USP32: variants seen among roughly 807,000 people sequenced by gnomAD.
USP32 encodes ubiquitin specific peptidase 32.
Under a neutral mutation model 204.8 loss-of-function variants are expected in USP32, and 59 were observed. That is an observed-to-expected ratio of 0.29 (90% CI 0.23 to 0.36). USP32 has a LOEUF of 0.36. Among genes scored for constraint, USP32 ranks in the 10% least tolerant of loss-of-function variants. USP32 has a pLI of 1.00. For missense variants in USP32, 1,160 were observed against 1,946.4 expected (o/e 0.60, Z 7.60); for synonymous variants, 517 against 678.4 (o/e 0.76, Z 3.70).
At chr17:60,181,175 G>T in intron 32 of USP32, 149 bp downstream of exon 32, 2 of 1,071,976 alleles carry the variant, frequency 1.9e-6, no homozygotes, top group Non-Finnish European at 1.3e-6. Flanking sequence ...CACCTGGGCA[G>T]GCCAAGATTT....
At chr17:60,293,397 T>C (rs1053839616) in intron 4 of USP32, among the ~76,000 whole-genome samples, 1 of 152,230 alleles carries the variant, frequency 6.6e-6, no homozygotes, top group African/African-American at 2.4e-5. Flanking sequence ...TATCTTTTTT[T>C]CTTACAAGCA....
At chr17:60,273,853 C>T (rs536802534) in intron 5 of USP32, among the ~76,000 whole-genome samples, 5 of 150,440 alleles carry the variant, frequency 3.3e-5, no homozygotes, top group South Asian at 4.2e-4. Context: ...CCAGCTACTC[C>T]GGAGGCTGAG....
chr17:60,330,618 T>C (rs1010137181), intron 2 of USP32, among the ~76,000 whole-genome samples: 1 of 151,468 alleles, frequency 6.6e-6, no homozygotes, highest in Non-Finnish European at 1.5e-5. Context: ...GCAATCATGG[T>C]TCACTGTAGC....
At chr17:60,348,575 G>C (rs2088846100) in intron 1 of USP32, among the ~76,000 whole-genome samples, 1 of 152,084 alleles carries the variant, frequency 6.6e-6, no homozygotes, top group Non-Finnish European at 1.5e-5. Flanking sequence ...AGGAGTTAGA[G>C]ACCACCCTAG....
intron 1 of USP32, among the ~76,000 whole-genome samples, chr17:60,420,419 GC>G (rs892365220): frequency 3.9e-5 from 6 of 152,176 alleles, no homozygotes; most frequent in African/African-American, 1.4e-4. Context: ...TGTAATCCTA[GC>G]ACTTTGGGAG....
intron 5 of USP32, 115 bp from the exon 6 acceptor site, chr17:60,271,596 A>G: frequency 9.1e-7 from 1 of 1,097,604 alleles, no homozygotes; most frequent in Non-Finnish European, 1.2e-6. Flanking sequence ...TTCAATTGCT[A>G]AAAAATAATC....
chr17:60,340,348 GGA>G (rs3068151), intron 2 of USP32, among the ~76,000 whole-genome samples: 33,454 of 152,018 alleles, frequency 0.22, 9,238 homozygotes, highest in African/African-American at 0.65. Context: ...GGCCAAGGTG[GGA>G]GAGGATCATT....
chr17:60,397,492 G>A (rs1476505697), intron 1 of USP32, among the ~76,000 whole-genome samples: 1 of 152,144 alleles, frequency 6.6e-6, no homozygotes, highest in Admixed American at 6.6e-5. Flanking sequence ...CTCCAGAGTA[G>A]CTGGAACTAC....
At chr17:60,299,927 G>A (rs1333799861) in intron 3 of USP32, among the ~76,000 whole-genome samples, 1 of 151,898 alleles carries the variant, frequency 6.6e-6, no homozygotes, top group Non-Finnish European at 1.5e-5. Context: ...GTCTCTCTGG[G>A]GCCTCTTTTA....
Position 60,266,030 on chromosome 17 carries a change from G to A in USP32, c.873C>T (p.Asp291=). The A allele has an allele frequency of 1.2e-6, 2 of 1,614,056 alleles. No individual in the cohort carries two copies. The highest frequency in any genetic ancestry group is 8.5e-7 in the Non-Finnish European group (1 of 1,179,978). ...DGVLSRVELR[D]MVVALLEVWK... The stretch of plus-strand genomic sequence containing the variant: ...AGACTTCTAAAAGTGCAACCACCAT[G>A]TCTCTCAGTTCAACCCTGGAGAGAA... The change falls in exon 8 of 34, where the codon GAC becomes GAT. Residue 291 remains aspartate, a synonymous_variant. Transcript: ENST00000300896.
At chr17:60,197,179 CA>C (rs754399504) in intron 27 of USP32, among the ~76,000 whole-genome samples, 115 of 138,282 alleles carry the variant, frequency 8.3e-4, no homozygotes, top group Non-Finnish European at 7.3e-4. Flanking sequence ...GAATCTGTCT[CA>C]AAAAAAAAAA....
At chr17:60,381,003 T>C (rs1194453714) in intron 1 of USP32, among the ~76,000 whole-genome samples, 1 of 152,212 alleles carries the variant, frequency 6.6e-6, no homozygotes, top group Admixed American at 6.5e-5. Flanking sequence ...CTGAAACATT[T>C]GAATATTTGC....
At chr17:60,325,610 G>A (rs1598247551) in intron 2 of USP32, among the ~76,000 whole-genome samples, 1 of 151,820 alleles carries the variant, frequency 6.6e-6, no homozygotes, top group South Asian at 2.1e-4. Context: ...CAAAGCAAAA[G>A]ATAAGTTTAA....
intron 17 of USP32, among the ~76,000 whole-genome samples, chr17:60,214,190 C>T (rs2085044939): frequency 6.6e-6 from 1 of 152,136 alleles, no homozygotes; most frequent in Non-Finnish European, 1.5e-5. Flanking sequence ...GCTCCAGCCA[C>T]CTCGGCCTCC....
chr17:60,331,880 C>G (rs2088393314), intron 2 of USP32, among the ~76,000 whole-genome samples: 1 of 145,760 alleles, frequency 6.9e-6, no homozygotes, highest in Non-Finnish European at 1.5e-5. Flanking sequence ...GCCTGGCCAC[C>G]AGAGTAAGAC....
At chr17:60,327,196 A>G (rs543518550) in intron 2 of USP32, among the ~76,000 whole-genome samples, 2 of 152,356 alleles carry the variant, frequency 1.3e-5, no homozygotes, top group South Asian at 4.1e-4. Context: ...GCCATGTGTA[A>G]TGGCCTATTT....
chr17:60,187,662 G>T (rs1204894869), intron 29 of USP32, among the ~76,000 whole-genome samples: 3 of 152,210 alleles, frequency 2.0e-5, no homozygotes, highest in Non-Finnish European at 2.9e-5. Context: ...GTGGAACACA[G>T]GCTACAGTGC....
At chr17:60,235,238 G>C (rs2085690164) in intron 12 of USP32, among the ~76,000 whole-genome samples, 1 of 152,078 alleles carries the variant, frequency 6.6e-6, no homozygotes, top group Non-Finnish European at 1.5e-5. Context: ...AACCAAAAAA[G>C]TATTTCAAAA....
At chr17:60,229,175 G>A (rs922376805) in intron 12 of USP32, among the ~76,000 whole-genome samples, 3 of 151,710 alleles carry the variant, frequency 2.0e-5, no homozygotes, top group African/African-American at 7.3e-5. Context: ...CCTCAGCTAG[G>A]ACCACAGGCA....
Sources: gnomAD v4.1 joint callset for allele counts (sites outside exome capture counted in the v4.1 genomes callset) on GRCh38, gnomAD v4.1.1 for gene constraint, MANE v1.5 for transcripts, NCBI Gene and HGNC (gene_info 2026-07-23, HGNC 2026-07-21) for gene names.